Variants in NLK observed in about 807,000 individuals in gnomAD.
The protein encoded by NLK is serine/threonine-protein kinase NLK.
NLK carries 11 observed loss-of-function variants against 59.0 expected under a neutral mutation model. The observed-to-expected ratio is 0.19, with a 90% confidence interval of 0.12 to 0.31. The LOEUF (loss-of-function observed/expected upper bound fraction) is 0.31. Ranked by LOEUF, NLK falls within the 10% of genes least tolerant of loss-of-function variation. The pLI, the probability that NLK is intolerant of heterozygous loss-of-function variation, is 1.00. For missense variants in NLK, 410 were observed against 661.1 expected (o/e 0.62, Z 4.16); for synonymous variants, 235 against 235.9 (o/e 1.00, Z 0.03).
intron 6 of NLK, among the ~76,000 whole-genome samples, chr17:28,172,113 TAAC>T (rs1168458504): frequency 1.4e-5 from 2 of 146,920 alleles, no homozygotes; most frequent in Non-Finnish European, 3.0e-5. Context: ...ATAGGAATAA[TAAC>T]AGGAATTTAT....
rs530877056 is a variant in NLK, at chr17:28,161,484, C to T, written c.751+218C>T. ...TGTTTTCAGTGATGAAAGAGAAAGC[C>T]CTGTCAAATTCATTAGGCAGTTGAG... is the stretch of plus-strand genomic sequence containing the variant. On this transcript the variant is annotated intron_variant, in intron 4 of 10. Coordinates refer to ENST00000407008, the MANE Select transcript of NLK (RefSeq NM_016231.5). Among the ~76,000 whole-genome samples, 8 of 152,166 alleles carry T rather than the reference C, an allele frequency of 5.3e-5. No individual in the cohort carries two copies. In the East Asian group the frequency reaches 1.5e-3, roughly 29 times the overall value.
At chr17:28,127,718 T>G (rs1474872590) in intron 2 of NLK, among the ~76,000 whole-genome samples, 3 of 152,220 alleles carry the variant, frequency 2.0e-5, no homozygotes, top group Non-Finnish European at 2.9e-5. Flanking sequence ...TTTATGTCTA[T>G]ATGCGTATGG....
intron 2 of NLK, among the ~76,000 whole-genome samples, chr17:28,128,211 TAACTG>T (rs935472080): frequency 5.3e-5 from 8 of 152,152 alleles, no homozygotes; most frequent in Admixed American, 1.3e-4. Flanking sequence ...AAAGATGTCT[TAACTG>T]GACAGATAAA....
At chr17:28,172,747 G>T in intron 7 of NLK, 129 bp downstream of exon 7, 1 of 411,880 alleles carries the variant, frequency 2.4e-6, no homozygotes, top group Middle Eastern at 4.5e-4. Context: ...TAACATCAAG[G>T]TCCTAAGTAA....
intron 3 of NLK, among the ~76,000 whole-genome samples, chr17:28,153,262 G>A (rs1374564328): frequency 4.2e-5 from 6 of 143,838 alleles, no homozygotes; most frequent in Non-Finnish European, 6.0e-5. Flanking sequence ...CAACAAGAGC[G>A]AAATTCCCCC....
chr17:28,072,291 C>A (rs1910030099), intron 1 of NLK, among the ~76,000 whole-genome samples: 1 of 150,918 alleles, frequency 6.6e-6, no homozygotes, highest in South Asian at 2.1e-4. Context: ...TCATTTCCAT[C>A]AATTGTGCTT....
chr17:28,140,501 G>A (rs1264008887), intron 3 of NLK, among the ~76,000 whole-genome samples: 1 of 152,174 alleles, frequency 6.6e-6, no homozygotes, highest in Non-Finnish European at 1.5e-5. Flanking sequence ...GGCAGTGACT[G>A]TCGTGAAAGA....
intron 1 of NLK, among the ~76,000 whole-genome samples, chr17:28,072,614 A>G (rs1411601587): frequency 6.6e-6 from 1 of 151,584 alleles, no homozygotes; most frequent in African/African-American, 2.4e-5. Context: ...TATATTTCTT[A>G]TGTTCTGCTT....
intron 1 of NLK, among the ~76,000 whole-genome samples, chr17:28,080,109 G>A (rs559729188): frequency 6.6e-6 from 1 of 152,112 alleles, no homozygotes; most frequent in Non-Finnish European, 1.5e-5. Context: ...GAAATTATGT[G>A]CAGTATTTTG....
intron 3 of NLK, among the ~76,000 whole-genome samples, chr17:28,142,042 A>G (rs1229813963): frequency 6.6e-6 from 1 of 152,206 alleles, no homozygotes; most frequent in East Asian, 1.9e-4. Flanking sequence ...TCTCCAGAGC[A>G]CTTTGTAAAG....
At chr17:28,201,875 C>A in the NLK span, among the ~76,000 whole-genome samples, 7 of 151,912 alleles carry the variant, frequency 4.6e-5, no homozygotes, top group Non-Finnish European at 1.0e-4. Context: ...AGTTAGCCGG[C>A]CGTGGTGGCT....
intron 7 of NLK, among the ~76,000 whole-genome samples, chr17:28,175,547 C>A (rs923056586): frequency 1.3e-5 from 2 of 152,018 alleles, no homozygotes; most frequent in African/African-American, 4.8e-5. Flanking sequence ...GGTTTTCAGA[C>A]AGATTGAGTA....
In NLK at chr17:28,166,091, A is replaced by G. The variant is rs547897595; in HGVS notation, c.838-2357A>G. Among the ~76,000 whole-genome samples the G allele has an allele frequency of 5.9e-5, 9 of 152,232 alleles. No homozygotes were observed. In the South Asian group the frequency reaches 1.9e-3, roughly 32 times the overall value. On this transcript the variant is annotated intron_variant, in intron 5 of 10. Transcript: ENST00000407008. ...TTAGCCAGGCGTGGTGGCGCATGCCACTAGTCCCAGCTGCTCAGGAGGCAG... is the reference window on the plus strand; with the variant it reads ...TTAGCCAGGCGTGGTGGCGCATGCCGCTAGTCCCAGCTGCTCAGGAGGCAG...
At chr17:28,173,882 C>T (rs1908567906) in intron 7 of NLK, among the ~76,000 whole-genome samples, 1 of 152,120 alleles carries the variant, frequency 6.6e-6, no homozygotes, top group South Asian at 2.1e-4. Flanking sequence ...GTAAATCTTG[C>T]CTGGTTCAAG....
chr17:28,154,626 A>G (rs1907623890), intron 3 of NLK, among the ~76,000 whole-genome samples: 1 of 152,208 alleles, frequency 6.6e-6, no homozygotes, highest in Non-Finnish European at 1.5e-5. Context: ...AAGAATATAT[A>G]TAATACCATG....
chr17:28,116,775 C>T (rs1024459662), intron 1 of NLK, among the ~76,000 whole-genome samples: 3 of 152,266 alleles, frequency 2.0e-5, no homozygotes, highest in South Asian at 2.1e-4. Context: ...TTCTAGTCCT[C>T]AATGTTCCTA....
intron 7 of NLK, among the ~76,000 whole-genome samples, chr17:28,175,961 G>C (rs1451698280): frequency 1.3e-5 from 2 of 152,076 alleles, no homozygotes; most frequent in East Asian, 3.9e-4. Context: ...ATGCAGAAAA[G>C]GCATTTGATA....
chr17:28,152,770 C>G (rs890116417), intron 3 of NLK, among the ~76,000 whole-genome samples: 1 of 151,918 alleles, frequency 6.6e-6, no homozygotes, highest in Admixed American at 6.6e-5. Flanking sequence ...ACTACAGGTG[C>G]AGGCCACCAT....
At chr17:28,067,018 G>T (rs1909849191) in intron 1 of NLK, among the ~76,000 whole-genome samples, 1 of 152,086 alleles carries the variant, frequency 6.6e-6, no homozygotes, top group South Asian at 2.1e-4. Context: ...TACGTGATTT[G>T]CAAATATTTT....
Sources: gnomAD v4.1 joint callset for allele counts (sites outside exome capture counted in the v4.1 genomes callset) on GRCh38, gnomAD v4.1.1 for gene constraint, MANE v1.5 for transcripts, NCBI Gene and HGNC (gene_info 2026-07-23, HGNC 2026-07-21) for gene names.